Variants in IGFBPL1 observed in about 807,000 individuals in gnomAD.
IGFBPL1 encodes insulin-like growth factor-binding protein-like 1.
Under a neutral mutation model 23.9 loss-of-function variants are expected in IGFBPL1, and 20 were observed. That is an observed-to-expected ratio of 0.84 (90% CI 0.59 to 1.22). The LOEUF (loss-of-function observed/expected upper bound fraction) is 1.22. Among genes scored for constraint, IGFBPL1 ranks in the 50% most tolerant of loss-of-function variants. IGFBPL1 has a pLI of 0.00. For synonymous variants in IGFBPL1, 184 were observed against 171.8 expected (o/e 1.07, Z -0.56); for missense variants, 436 against 379.3 (o/e 1.15, Z -1.24).
intron 1 of IGFBPL1, among the ~76,000 whole-genome samples, chr9:38,417,499 T>C (rs1821616709): frequency 6.6e-6 from 1 of 152,220 alleles, no homozygotes; most frequent in African/African-American, 2.4e-5. Context: ...ATTTGTTATC[T>C]GTGTGGTCTC....
chr9:38,413,173 G>T, intron 3 of IGFBPL1, 64 bp downstream of exon 3: 2 of 1,085,354 alleles, frequency 1.8e-6, no homozygotes, highest in Non-Finnish European at 2.8e-6. Flanking sequence ...GTAATGTGTT[G>T]TAGAAATATA....
At position 38,408,471 on chromosome 9, in the gene IGFBPL1, T is replaced by C. The variant is rs762786405; in HGVS notation, c.*756A>G. 2.0e-5 allele frequency among the ~76,000 whole-genome samples: 3 copies of C among 152,102 alleles called. No homozygotes were observed. The highest frequency in any genetic ancestry group is 4.4e-5 in the Non-Finnish European group (3 of 68,006). On this transcript the variant is annotated 3_prime_UTR_variant, in exon 5 of 5. Coordinates refer to ENST00000377694, the MANE Select transcript of IGFBPL1 (RefSeq NM_001007563.3). Reference sequence around the variant, plus strand: ...AGAGAATGCTAGGCTAACAAATGGATGCTCTGGTCTCCAAAGACCCAGCCA... The same window carrying C: ...AGAGAATGCTAGGCTAACAAATGGACGCTCTGGTCTCCAAAGACCCAGCCA...
chr9:38,413,682 T>G (rs1821550052), intron 2 of IGFBPL1, among the ~76,000 whole-genome samples: 1 of 152,120 alleles, frequency 6.6e-6, no homozygotes. Context: ...AAACTGGTCT[T>G]TAGAAGATTT....
In IGFBPL1 at chr9:38,413,149, C is replaced by A; in HGVS notation, c.687+88G>T. The stretch of plus-strand genomic sequence containing the variant: ...GGGGCCAGTGAGAAATGGGTAAGAA[C>A]AGCTTTGAAACATGTAATGTGTTGT... On this transcript the variant is annotated intron_variant, in intron 3 of 4. Transcript: ENST00000377694. 3 of 927,784 alleles carry A rather than the reference C, an allele frequency of 3.2e-6. No homozygotes were observed. The South Asian group carries it at 4.5e-5, about 14-fold the overall frequency. 57.5% of individuals were successfully genotyped at this position (927,784 alleles called of 1,614,324 possible).
intron 1 of IGFBPL1, among the ~76,000 whole-genome samples, chr9:38,415,032 C>G (rs902748917): frequency 6.6e-6 from 1 of 152,234 alleles, no homozygotes; most frequent in Non-Finnish European, 1.5e-5. Context: ...CTCAGCCACC[C>G]TGGCATCCAG....
chr9:38,414,206 A>C lies in IGFBPL1; in HGVS notation c.461-3T>G. On this transcript the variant is annotated splice_polypyrimidine_tract_variant and splice_region_variant and intron_variant, in intron 1 of 4. Transcript: ENST00000377694. ...GGGAGGAACGACGACCACAGGAGCTAGGAGGAGGAGACAAGGAGACGCAGC... is the reference window on the plus strand; with the variant it reads ...GGGAGGAACGACGACCACAGGAGCTCGGAGGAGGAGACAAGGAGACGCAGC... 1.3e-6 allele frequency: 2 copies of C among 1,578,360 alleles called. No homozygotes were observed. Among genetic ancestry groups the C allele is most frequent in the African/African-American group, 2.7e-5 (2 of 73,972 alleles).
intron 1 of IGFBPL1, among the ~76,000 whole-genome samples, chr9:38,419,685 C>G (rs934044871): frequency 6.6e-6 from 1 of 152,184 alleles, no homozygotes; most frequent in African/African-American, 2.4e-5. Flanking sequence ...GGTGCACACA[C>G]TGAACTATCC....
Position 38,424,360 on chromosome 9 carries a change from AGCG to A in IGFBPL1, c.62_64del (p.Pro21del), listed in dbSNP as rs1308183481. The A allele has an allele frequency of 6.6e-6, 5 of 763,340 alleles. No homozygotes were observed. Among genetic ancestry groups the A allele is most frequent in the Admixed American group, 2.6e-5 (1 of 38,270 alleles). 47.3% of individuals were successfully genotyped at this position (763,340 alleles called of 1,614,324 possible). On this transcript the variant is annotated inframe_deletion, in exon 1 of 5. Coordinates refer to ENST00000377694, the MANE Select transcript of IGFBPL1 (RefSeq NM_001007563.3). ...GTCGCGGATCCCAAGGCTCGGGGAC[AGCG>A]GCGGCAGCAGCGGCAGCAGCAGCAG...
chr9:38,415,419 A>G (rs1054047640), intron 1 of IGFBPL1, among the ~76,000 whole-genome samples: 2 of 152,198 alleles, frequency 1.3e-5, no homozygotes, highest in Admixed American at 6.5e-5. Flanking sequence ...AGGCAGGAGG[A>G]AGGAGGTGAC....
intron 3 of IGFBPL1, among the ~76,000 whole-genome samples, chr9:38,412,411 A>T (rs1009690996): frequency 3.3e-5 from 5 of 152,100 alleles, no homozygotes; most frequent in Admixed American, 3.3e-4. Context: ...TACAGTGACG[A>T]CCCAACATGG....
chr9:38,423,984 G>C lies in IGFBPL1; in HGVS notation c.441C>G (p.Arg147=), dbSNP rs553621402. 2.5e-5 allele frequency: 35 copies of C among 1,405,680 alleles called. No individual in the cohort carries two copies. Among genetic ancestry groups the C allele is most frequent in the Non-Finnish European group, 3.0e-5 (33 of 1,089,362 alleles). The allele number at this position is 1,405,680 out of a possible 1,614,324, so 87.1% of individuals were successfully genotyped here. ...RAHPGHLHKA[R]DGPCEFAPVV... is the part of the protein sequence containing the mutation. Reference sequence around the variant, plus strand: ...ACTCACCGAACTCGCAAGGGCCGTCGCGCGCCTTGTGCAGGTGACCGGGGT... The same window carrying C: ...ACTCACCGAACTCGCAAGGGCCGTCCCGCGCCTTGTGCAGGTGACCGGGGT... The change falls in exon 1 of 5, where the codon CGC becomes CGG. Residue 147 remains arginine, a synonymous_variant. Transcript: ENST00000377694.
rs1458576041 is a variant in IGFBPL1 at position 38,407,376 on chromosome 9, G to A, written c.*1851C>T. ...GCTCAGGGTCACACAGCGAGCCGGG[G>A]ATTAATATGCAAATGGATCTCATGT... On this transcript the variant is annotated 3_prime_UTR_variant, in exon 5 of 5. Coordinates refer to ENST00000377694, the MANE Select transcript of IGFBPL1 (RefSeq NM_001007563.3). Among the ~76,000 whole-genome samples, 7 of 152,198 alleles carry A rather than the reference G, an allele frequency of 4.6e-5. No homozygotes were observed. The highest frequency in any genetic ancestry group is 1.0e-4 in the Non-Finnish European group (7 of 68,038).
At chr9:38,420,928 A>G (rs149713452) in intron 1 of IGFBPL1, among the ~76,000 whole-genome samples, 1 of 152,024 alleles carries the variant, frequency 6.6e-6, no homozygotes, top group Non-Finnish European at 1.5e-5. Context: ...ATTTCCTTCC[A>G]TGTGCCTCAG....
chr9:38,416,031 C>T (rs538962037), intron 1 of IGFBPL1, among the ~76,000 whole-genome samples: 2 of 152,310 alleles, frequency 1.3e-5, no homozygotes, highest in South Asian at 2.1e-4. Context: ...CAGAGAGCCA[C>T]AACACTGAGC....
chr9:38,412,696 C>A (rs1006160955), intron 3 of IGFBPL1, among the ~76,000 whole-genome samples: 3 of 152,230 alleles, frequency 2.0e-5, no homozygotes, highest in African/African-American at 7.2e-5. Flanking sequence ...GGCAGGGCTG[C>A]ATTCTTTCTG....
At chr9:38,421,960 G>A (rs1421930993) in intron 1 of IGFBPL1, among the ~76,000 whole-genome samples, 10 of 152,328 alleles carry the variant, frequency 6.6e-5, no homozygotes, top group Admixed American at 3.3e-4. Context: ...GTGGCCCCAC[G>A]AATATCTTTA....
At chr9:38,411,669 T>C in intron 3 of IGFBPL1, 120 bp from the exon 4 acceptor site, 1 of 884,444 alleles carries the variant, frequency 1.1e-6, no homozygotes, top group Non-Finnish European at 1.7e-6. Flanking sequence ...TAAAACTTGC[T>C]CTATTTCTCT....
chr9:38,420,333 C>T (rs1821661817), intron 1 of IGFBPL1, among the ~76,000 whole-genome samples: 2 of 152,194 alleles, frequency 1.3e-5, no homozygotes. Context: ...TGTGCCTCCC[C>T]CTTGCTAGCA....
At chr9:38,410,538 C>A (rs895731139) in intron 4 of IGFBPL1, among the ~76,000 whole-genome samples, 1 of 151,914 alleles carries the variant, frequency 6.6e-6, no homozygotes, top group African/African-American at 2.4e-5. Flanking sequence ...ACATCACATC[C>A]GAGCAGAAAC....
Sources: allele counts gnomAD v4.1 joint callset (sites outside exome capture counted in the v4.1 genomes callset), GRCh38; gene constraint gnomAD v4.1.1; transcripts MANE v1.5; gene names NCBI Gene and HGNC (gene_info 2026-07-23, HGNC 2026-07-21).